MACO1: variants seen among roughly 807,000 people sequenced by gnomAD.
The protein encoded by MACO1 is macoilin 1, also known as macoilin.
A neutral mutation model predicts 78.7 loss-of-function variants in MACO1; 14 were observed. The observed-to-expected ratio is 0.18, with a 90% confidence interval of 0.12 to 0.28. The LOEUF (loss-of-function observed/expected upper bound fraction) is 0.28. Among genes scored for constraint, MACO1 ranks in the 10% least tolerant of loss-of-function variants. MACO1 has a pLI of 1.00. For missense variants in MACO1, 501 were observed against 799.0 expected (o/e 0.63, Z 4.50); for synonymous variants, 288 against 291.6 (o/e 0.99, Z 0.12).
At chr1:25,467,308 C>T (rs1051015797) in intron 6 of MACO1, among the ~76,000 whole-genome samples, 2 of 152,026 alleles carry the variant, frequency 1.3e-5, no homozygotes, top group African/African-American at 2.4e-5. Flanking sequence ...GAGCAGGGTG[C>T]GACACCTGAA....
chr1:25,447,882 T>G (rs949815969), intron 2 of MACO1, among the ~76,000 whole-genome samples: 4 of 152,206 alleles, frequency 2.6e-5, no homozygotes, highest in Non-Finnish European at 4.4e-5. Flanking sequence ...CAGCCACATC[T>G]TAAAACTATA....
chr1:25,431,705 C>T (rs888335518), intron 1 of MACO1, among the ~76,000 whole-genome samples: 26 of 152,192 alleles, frequency 1.7e-4, no homozygotes, highest in African/African-American at 4.3e-4. Context: ...TGGCCTGGGG[C>T]CATGCTGTCA....
chr1:25,473,233 C>T (rs541206034), intron 6 of MACO1, among the ~76,000 whole-genome samples: 41 of 152,018 alleles, frequency 2.7e-4, no homozygotes, highest in Non-Finnish European at 5.4e-4. Context: ...TTTATTTTAA[C>T]CATTGCAGGA....
At chr1:25,477,829 G>C (rs1483801545) in intron 6 of MACO1, among the ~76,000 whole-genome samples, 1 of 152,176 alleles carries the variant, frequency 6.6e-6, no homozygotes, top group East Asian at 1.9e-4. Context: ...AAGGCATAGT[G>C]GTGTGGGCTG....
At chr1:25,484,356 T>G in intron 7 of MACO1, 82 bp downstream of exon 7, 1 of 1,420,874 alleles carries the variant, frequency 7.0e-7, no homozygotes, top group East Asian at 2.4e-5. Flanking sequence ...AGCACAAGAT[T>G]TATGGTGACA....
intron 10 of MACO1, 151 bp downstream of exon 10, chr1:25,491,735 C>A: frequency 1.6e-6 from 1 of 623,328 alleles, no homozygotes; most frequent in Non-Finnish European, 2.8e-6. Context: ...ATATAGGAAC[C>A]ATCACATTAA....
rs753175205 is a variant in MACO1, at chr1:25,448,897, T to C, written c.312T>C (p.Ala104=). ...FIPIQWLFFA[A]STYVWVQYVW... ...CCATACAGTGGCTTTTTTTTGCTGC[T>C]AGCACATATGTATGGGTTCAGTACG... Residue 104 remains alanine (A), a synonymous_variant, in exon 3 of 11, where the codon GCT becomes GCC. Transcript: ENST00000374343. 1 of 1,548,492 alleles carries C rather than the reference T, an allele frequency of 6.5e-7. No individual in the cohort carries two copies. Among genetic ancestry groups the C allele is most frequent in the Middle Eastern group, 1.7e-4 (1 of 5,838 alleles).
chr1:25,497,845 G>A (rs78251405), intron 10 of MACO1, among the ~76,000 whole-genome samples: 1,549 of 152,242 alleles, frequency 0.01, 27 homozygotes, highest in African/African-American at 0.035. Context: ...GCCCTCTTAC[G>A]CTGTCATAGC....
Position 25,446,824 on chromosome 1 carries a change from T to C in MACO1, c.143T>C (p.Leu48Pro). The C allele has an allele frequency of 6.2e-7, 1 of 1,614,044 alleles. No individual in the cohort carries two copies. The highest frequency in any genetic ancestry group is 8.5e-7 in the Non-Finnish European group (1 of 1,179,946). Residue 48 changes from leucine to proline, a missense_variant, in exon 2 of 11, where the codon CTG becomes CCG. Coordinates refer to ENST00000374343, the MANE Select transcript of MACO1 (RefSeq NM_018202.6). Reference protein sequence around the residue: ...WALVLLADFVLEFRFEYLWPF... With the variant: ...WALVLLADFVPEFRFEYLWPF... ...CTTGTCCTCCTAGCAGATTTTGTCC[T>C]GGAGTTCAGATTTGAATACCTGTGG... is the stretch of plus-strand genomic sequence containing the variant.
chr1:25,464,157 C>T (rs2043195291), intron 6 of MACO1, among the ~76,000 whole-genome samples: 1 of 152,088 alleles, frequency 6.6e-6, no homozygotes, highest in Non-Finnish European at 1.5e-5. Context: ...CTCCGTCCAT[C>T]CATCCCTACC....
chr1:25,469,259 T>G (rs990034906), intron 6 of MACO1, among the ~76,000 whole-genome samples: 1 of 152,240 alleles, frequency 6.6e-6, no homozygotes, highest in African/African-American at 2.4e-5. Flanking sequence ...AAATAAGCTA[T>G]GTAATGTTCT....
chr1:25,494,258 G>C (rs2043515059), intron 10 of MACO1, among the ~76,000 whole-genome samples: 1 of 152,206 alleles, frequency 6.6e-6, no homozygotes, highest in Admixed American at 6.5e-5. Flanking sequence ...GGTAGAGGCA[G>C]GGGGCTAGAA....
At position 25,489,196 on chromosome 1, in the gene MACO1, G is replaced by A. The variant is rs769171167; in HGVS notation, c.1520G>A (p.Arg507Gln). Residue 507 changes from arginine to glutamine, a missense_variant, in exon 9 of 11, where the codon CGG becomes CAG. By Grantham distance (43) the Arg-to-Gln change is conservative. This residue lies in a region of MACO1 where 163 missense variants were observed against 271.9 expected (regional missense o/e 0.60). Coordinates refer to ENST00000374343, the MANE Select transcript of MACO1 (RefSeq NM_018202.6). ...AGGGGAGAATGCACCGAAACCTTAC[G>A]GAATCGGATCAGAGAACTAGAAGCA... ...ASRGECTETLRNRIRELEAEG... is the reference protein window; with the variant it reads ...ASRGECTETLQNRIRELEAEG... The A allele has an allele frequency of 4.3e-6, 7 of 1,613,798 alleles. No individual in the cohort carries two copies. The highest frequency in any genetic ancestry group is 5.1e-6 in the Non-Finnish European group (6 of 1,179,886).
intron 1 of MACO1, among the ~76,000 whole-genome samples, chr1:25,434,535 G>GAACTTT (rs1325541427): frequency 6.6e-6 from 1 of 152,084 alleles, no homozygotes; most frequent in East Asian, 1.9e-4. Context: ...AGTTTCCAAA[G>GAACTTT]AACTTTAAGT....
At chr1:25,456,056 G>A (rs1030831180) in intron 4 of MACO1, among the ~76,000 whole-genome samples, 7 of 152,140 alleles carry the variant, frequency 4.6e-5, no homozygotes, top group Non-Finnish European at 1.0e-4. Context: ...TCGAGAGATC[G>A]AGACCATCCT....
intron 6 of MACO1, among the ~76,000 whole-genome samples, chr1:25,471,268 G>A (rs572417728): frequency 4.0e-5 from 6 of 151,682 alleles, no homozygotes; most frequent in Non-Finnish European, 8.8e-5. Context: ...GAACCTGAGA[G>A]GCAGAGATTG....
intron 1 of MACO1, among the ~76,000 whole-genome samples, chr1:25,437,089 T>A (rs1225986176): frequency 2.0e-5 from 3 of 151,918 alleles, no homozygotes; most frequent in African/African-American, 4.8e-5. Flanking sequence ...AGAAATAATC[T>A]CATTCTGTTT....
rs960322070 is a variant in MACO1 at position 25,458,696 on chromosome 1, A to G, written c.958A>G (p.Lys320Glu). 11 of 1,614,122 alleles carry G rather than the reference A, an allele frequency of 6.8e-6. No individual in the cohort carries two copies. Among genetic ancestry groups the G allele is most frequent in the African/African-American group, 1.3e-5 (1 of 74,948 alleles). ...AGAGGACTCATGCACTGCTTCCTCA[A>G]AAAATTACAAAAATGCCAGTGGAGT... is the stretch of plus-strand genomic sequence containing the variant. ...LKEDSCTASS[K>E]NYKNASGVVN... Residue 320 changes from lysine (K) to glutamate (E), a missense_variant, in exon 6 of 11, where the codon AAA (lysine) becomes GAA (glutamate). Lys to Glu is a moderately conservative substitution (Grantham distance 56, BLOSUM62 1). Coordinates refer to ENST00000374343, the MANE Select transcript of MACO1 (RefSeq NM_018202.6).
chr1:25,478,871 A>C (rs557346814), intron 6 of MACO1, among the ~76,000 whole-genome samples: 1 of 152,252 alleles, frequency 6.6e-6, no homozygotes, highest in South Asian at 2.1e-4. Flanking sequence ...CTGGTTCCAC[A>C]AGAATTAGGC....
Sources: gnomAD v4.1 joint callset for allele counts (sites outside exome capture counted in the v4.1 genomes callset) on GRCh38, gnomAD v4.1.1 for gene constraint, gnomAD v4.1.1 regional missense constraint, MANE v1.5 for transcripts, NCBI Gene and HGNC (gene_info 2026-07-23, HGNC 2026-07-21) for gene names.